Variants in EFNA5 observed in about 807,000 individuals in gnomAD.
EFNA5 encodes the protein ephrin A5.
Under a neutral mutation model 22.9 loss-of-function variants are expected in EFNA5, and 5 were observed. The observed-to-expected ratio is 0.22, with a 90% CI of 0.11 to 0.46. The LOEUF is 0.46. Among genes scored for constraint, EFNA5 ranks in the 20% least tolerant of loss-of-function variants. The probability of loss-of-function intolerance (pLI) is 0.99; values close to 1 mark genes in which losing one functional copy is unlikely to be tolerated. For missense variants in EFNA5, 237 were observed against 293.3 expected (o/e 0.81, Z 1.40); for synonymous variants, 113 against 112.2 (o/e 1.01, Z -0.04).
chr5:107,413,204 A>G (rs905512960), intron 2 of EFNA5, among the ~76,000 whole-genome samples: 1 of 152,100 alleles, frequency 6.6e-6, no homozygotes, highest in Non-Finnish European at 1.5e-5. Context: ...TTCAAAACTT[A>G]ATAATACTTT....
At chr5:107,462,195 A>C (rs1749851840) in intron 1 of EFNA5, among the ~76,000 whole-genome samples, 1 of 152,198 alleles carries the variant, frequency 6.6e-6, no homozygotes, top group Non-Finnish European at 1.5e-5. Context: ...AAGAGTGAAG[A>C]ACTGAGAAAG....
At chr5:107,549,993 T>G (rs1279173418) in intron 1 of EFNA5, among the ~76,000 whole-genome samples, 1 of 152,270 alleles carries the variant, frequency 6.6e-6, no homozygotes, top group Non-Finnish European at 1.5e-5. Flanking sequence ...TTTCAACTTT[T>G]GGATTTTTGA....
At chr5:107,467,431 C>T (rs921793162) in intron 1 of EFNA5, among the ~76,000 whole-genome samples, 7 of 152,126 alleles carry the variant, frequency 4.6e-5, no homozygotes, top group African/African-American at 1.7e-4. Context: ...GCTTCTGGAT[C>T]TGAGGCTTGT....
At chr5:107,381,419 C>T in intron 4 of EFNA5, 43 bp from the exon 5 acceptor site, 1 of 1,570,532 alleles carries the variant, frequency 6.4e-7, no homozygotes, top group Non-Finnish European at 8.7e-7. Flanking sequence ...ATTTCACATC[C>T]TTAATAACTC....
intron 1 of EFNA5, among the ~76,000 whole-genome samples, chr5:107,434,716 T>C (rs1211053428): frequency 6.6e-6 from 1 of 152,210 alleles, no homozygotes; most frequent in African/African-American, 2.4e-5. Flanking sequence ...ACAGTGTTAT[T>C]AGAGGTTAGG....
At chr5:107,616,335 G>A (rs1349687572) in intron 1 of EFNA5, among the ~76,000 whole-genome samples, 1 of 152,132 alleles carries the variant, frequency 6.6e-6, no homozygotes, top group Non-Finnish European at 1.5e-5. Context: ...GGGATGGGTC[G>A]ATTTGCCTTC....
intron 1 of EFNA5, among the ~76,000 whole-genome samples, chr5:107,544,311 TTTGAAAATCTCTCA>T (rs1748106552): frequency 6.6e-6 from 1 of 152,152 alleles, no homozygotes; most frequent in African/African-American, 2.4e-5. Context: ...CACACAGGGC[TTTGAAAATCTCTCA>T]ACGCGTAGTG....
At chr5:107,415,288 T>G (rs947503955) in intron 2 of EFNA5, among the ~76,000 whole-genome samples, 1 of 152,188 alleles carries the variant, frequency 6.6e-6, no homozygotes. Context: ...TGTATTTATA[T>G]GATAAGCCTC....
At chr5:107,595,566 T>C (rs1369852049) in intron 1 of EFNA5, among the ~76,000 whole-genome samples, 1 of 152,220 alleles carries the variant, frequency 6.6e-6, no homozygotes. Context: ...AAGGGAAAGA[T>C]AAAATTAATT....
chr5:107,617,629 C>A (rs1294662180), intron 1 of EFNA5, among the ~76,000 whole-genome samples: 1 of 152,122 alleles, frequency 6.6e-6, no homozygotes, highest in Non-Finnish European at 1.5e-5. Flanking sequence ...AGAGTTTCCA[C>A]TTGTTCAAAA....
Position 107,656,039 on chromosome 5 carries a change from G to A in EFNA5, c.125+14450C>T, listed in dbSNP as rs575615087. Among the ~76,000 whole-genome samples, 50 of 152,264 alleles carry A rather than the reference G, an allele frequency of 3.3e-4. 1 individual carries two copies. Among genetic ancestry groups the A allele is most frequent in the Admixed American group, 5.9e-4 (9 of 15,268 alleles). On this transcript the variant is annotated intron_variant, in intron 1 of 4. Transcript: ENST00000333274. ...ACAGCCCAGCTGCCCGTAAGGAGCA[G>A]GCCCAGACAGGAATTGATTTGTTTC...
chr5:107,518,150 T>C (rs899903216), intron 1 of EFNA5, among the ~76,000 whole-genome samples: 4 of 152,034 alleles, frequency 2.6e-5, no homozygotes, highest in Non-Finnish European at 4.4e-5. Flanking sequence ...GGAAAGACTA[T>C]GTTTGACATA....
chr5:107,499,072 C>T (rs764798422), intron 1 of EFNA5, among the ~76,000 whole-genome samples: 5 of 151,984 alleles, frequency 3.3e-5, no homozygotes, highest in Non-Finnish European at 7.4e-5. Flanking sequence ...CTCTCTTCTC[C>T]TTTTTCATTA....
intron 2 of EFNA5, among the ~76,000 whole-genome samples, chr5:107,425,539 G>C (rs1748789496): frequency 6.6e-6 from 1 of 152,186 alleles, no homozygotes; most frequent in Non-Finnish European, 1.5e-5. Flanking sequence ...TCAAGAACAT[G>C]CTGCCTGAGA....
chr5:107,638,188 A>C lies in EFNA5; in HGVS notation c.125+32301T>G, dbSNP rs967676254. ...TTTTTTAGTCCACTTTTGCATTTCA[A>C]CTACTTCTAATCATAGATAACCTAA... On this transcript the variant is annotated intron_variant, in intron 1 of 4. Transcript: ENST00000333274. 8.7e-4 allele frequency among the ~76,000 whole-genome samples: 133 copies of C among 152,088 alleles called. 1 individual carries two copies. The highest frequency in any genetic ancestry group is 4.4e-5 in the Non-Finnish European group (3 of 67,970).
At position 107,414,877 on chromosome 5, in the gene EFNA5, TA is replaced by T. The variant is rs527885558; in HGVS notation, c.418+12339del. Among the ~76,000 whole-genome samples the T allele has an allele frequency of 1.6e-3, 236 of 150,858 alleles. 2 individuals are homozygous for T. The South Asian group carries it at 0.025, about 16-fold the overall frequency. On this transcript the variant is annotated intron_variant, in intron 2 of 4. Transcript: ENST00000333274. Reference sequence around the variant, plus strand: ...CTATTGCAAAGGAACTAAAGGCAATTAAAAAAAAAGAGAAACTCAAGTAAAG... The same window carrying T: ...CTATTGCAAAGGAACTAAAGGCAATTAAAAAAAAGAGAAACTCAAGTAAAG...
chr5:107,636,912 T>C (rs1410659093), intron 1 of EFNA5, among the ~76,000 whole-genome samples: 3 of 152,206 alleles, frequency 2.0e-5, no homozygotes, highest in African/African-American at 7.2e-5. Flanking sequence ...GTTTTACAAA[T>C]ATTTCAGAGC....
chr5:107,515,872 C>T (rs1747463318), intron 1 of EFNA5, among the ~76,000 whole-genome samples: 1 of 152,170 alleles, frequency 6.6e-6, no homozygotes, highest in African/African-American at 2.4e-5. Flanking sequence ...AACTAAAAAT[C>T]ATCCCAAAGC....
At chr5:107,456,898 C>T (rs1241059737) in intron 1 of EFNA5, among the ~76,000 whole-genome samples, 1 of 152,128 alleles carries the variant, frequency 6.6e-6, no homozygotes, top group Non-Finnish European at 1.5e-5. Context: ...CAAGAATCTG[C>T]ACAACCCTGA....
Sources: allele counts gnomAD v4.1 joint callset (sites outside exome capture counted in the v4.1 genomes callset), GRCh38; gene constraint gnomAD v4.1.1; transcripts MANE v1.5; gene names NCBI Gene and HGNC (gene_info 2026-07-23, HGNC 2026-07-21).